Variants in SUMF1 observed in about 807,000 individuals in gnomAD.
The protein encoded by SUMF1 is formylglycine-generating enzyme.
Under a neutral mutation model 47.6 loss-of-function variants are expected in SUMF1, and 48 were observed. The ratio of observed to expected loss-of-function variants is 1.01; its 90% confidence interval spans 0.80 to 1.28. The LOEUF (loss-of-function observed/expected upper bound fraction) is 1.28, where lower values mean the gene tolerates loss of function less well. Ranked by LOEUF, SUMF1 falls within the 50% of genes most tolerant of loss-of-function variation. The pLI is 0.00. For synonymous variants in SUMF1, 230 were observed against 192.1 expected, an observed-to-expected ratio of 1.20 and a Z score of -1.63; for missense variants, 571 against 485.4, an observed-to-expected ratio of 1.18 and a Z score of -1.66.
chr3:4,241,908 C>T (rs1368147160), intron 8 of SUMF1, among the ~76,000 whole-genome samples: 1 of 152,182 alleles, frequency 6.6e-6, no homozygotes, highest in African/African-American at 2.4e-5. Context: ...GTGACATTTA[C>T]ATAACACACA....
At chr3:4,326,684 AT>A (rs557382041) in intron 8 of SUMF1, among the ~76,000 whole-genome samples, 1 of 151,446 alleles carries the variant, frequency 6.6e-6, no homozygotes, top group South Asian at 2.1e-4. Context: ...TAACCAGATA[AT>A]TTTTTTTGTA....
intron 8 of SUMF1, among the ~76,000 whole-genome samples, chr3:4,184,840 G>A (rs1695168162): frequency 6.6e-6 from 1 of 151,866 alleles, no homozygotes; most frequent in African/African-American, 2.4e-5. Context: ...GTAGAGATGG[G>A]GGTTTTGCCT....
chr3:4,399,136 G>A (rs557245808), intron 7 of SUMF1, among the ~76,000 whole-genome samples: 1 of 152,230 alleles, frequency 6.6e-6, no homozygotes, highest in Admixed American at 6.5e-5. Context: ...TGAACACTTC[G>A]AGCTCTTCAG....
chr3:4,136,913 C>T (rs1693946903), intron 8 of SUMF1, among the ~76,000 whole-genome samples: 1 of 152,034 alleles, frequency 6.6e-6, no homozygotes, highest in South Asian at 2.1e-4. Flanking sequence ...AAATCAAAAC[C>T]ACAATGAGAT....
At chr3:4,414,661 A>G (rs1458186687) in intron 6 of SUMF1, 1 of 152,180 alleles carries the variant, frequency 6.6e-6, no homozygotes, top group African/African-American at 2.4e-5. Flanking sequence ...TTCCATGGCA[A>G]CTTCTTCAGG....
At chr3:4,377,161 TGAAA>T (rs747307070) in intron 7 of SUMF1, among the ~76,000 whole-genome samples, 214 of 152,278 alleles carry the variant, frequency 1.4e-3, no homozygotes, top group Middle Eastern at 0.01. Flanking sequence ...GCTGATTGAA[TGAAA>T]GAGTTTGCTT....
At chr3:4,386,895 G>T (rs1418337552) in intron 7 of SUMF1, among the ~76,000 whole-genome samples, 1 of 149,274 alleles carries the variant, frequency 6.7e-6, no homozygotes, top group Non-Finnish European at 1.5e-5. Flanking sequence ...TTCTTATTAT[G>T]GTAGATTACA....
intron 8 of SUMF1, among the ~76,000 whole-genome samples, chr3:4,108,930 G>C (rs540690933): frequency 5.3e-5 from 8 of 151,228 alleles, no homozygotes; most frequent in African/African-American, 2.0e-4. Flanking sequence ...TTACATTTAA[G>C]GTTAATATTG....
chr3:4,198,515 G>C (rs1402641944), intron 8 of SUMF1, among the ~76,000 whole-genome samples: 2 of 152,090 alleles, frequency 1.3e-5, no homozygotes, highest in African/African-American at 2.4e-5. Context: ...TTAAAATGTG[G>C]TATGCTTTCA....
In SUMF1 at chr3:4,077,780, A is replaced by G. The variant is rs143409808; in HGVS notation, c.1015-9035T>C. Among the ~76,000 whole-genome samples the G allele has an allele frequency of 7.5e-4, 114 of 152,228 alleles. 2 individuals carry two copies. In the East Asian group the frequency reaches 0.02, roughly 27 times the overall value. ...TGTAACAAACCTGCACGTTGTGCACATGCACCCCAGAACTTAAAGTATAAT... is the reference window on the plus strand; with the variant it reads ...TGTAACAAACCTGCACGTTGTGCACGTGCACCCCAGAACTTAAAGTATAAT... On this transcript the variant is annotated intron_variant and NMD_transcript_variant, in intron 8 of 12. Coordinates refer to the SUMF1 transcript ENST00000448413.
chr3:4,230,355 T>G (rs1696271756), intron 8 of SUMF1, among the ~76,000 whole-genome samples: 1 of 152,154 alleles, frequency 6.6e-6, no homozygotes, highest in Non-Finnish European at 1.5e-5. Flanking sequence ...GCCAACAGTT[T>G]GGTCTGTCTT....
chr3:4,193,349 TA>T (rs1695361396), intron 8 of SUMF1, among the ~76,000 whole-genome samples: 2 of 152,132 alleles, frequency 1.3e-5, no homozygotes, highest in South Asian at 4.1e-4. Flanking sequence ...ACTGTAAGTG[TA>T]GCACTTTCCT....
chr3:4,190,137 T>C (rs1030352037), intron 8 of SUMF1, among the ~76,000 whole-genome samples: 6 of 151,926 alleles, frequency 3.9e-5, no homozygotes, highest in Non-Finnish European at 8.8e-5. Flanking sequence ...TAAGAAACAG[T>C]ATTCTCTGAG....
intron 7 of SUMF1, among the ~76,000 whole-genome samples, chr3:4,409,929 C>T (rs1407613359): frequency 2.6e-5 from 4 of 152,166 alleles, no homozygotes; most frequent in African/African-American, 9.7e-5. Flanking sequence ...CTCTGTAATC[C>T]TATATTGAGA....
chr3:4,182,312 T>C (rs975682616), intron 8 of SUMF1, among the ~76,000 whole-genome samples: 4 of 151,626 alleles, frequency 2.6e-5, no homozygotes, highest in Non-Finnish European at 5.9e-5. Flanking sequence ...GGTTATTCTA[T>C]TGGCATTTAT....
intron 8 of SUMF1, among the ~76,000 whole-genome samples, chr3:4,109,570 C>T (rs1366199534): frequency 7.2e-5 from 11 of 152,098 alleles, no homozygotes; most frequent in African/African-American, 1.2e-4. Flanking sequence ...ACCAATCAGA[C>T]GTAGATTTGG....
At chr3:4,275,037 T>C (rs1697383942) in intron 8 of SUMF1, among the ~76,000 whole-genome samples, 1 of 152,122 alleles carries the variant, frequency 6.6e-6, no homozygotes, top group Admixed American at 6.5e-5. Context: ...CTGTGATGCA[T>C]CTCCGTGTCT....
intron 9 of SUMF1, among the ~76,000 whole-genome samples, chr3:4,038,314 T>C (rs1045826769): frequency 6.6e-6 from 1 of 152,030 alleles, no homozygotes; most frequent in African/African-American, 2.4e-5. Context: ...GTTCCCTGCT[T>C]GGTGATGGGT....
chr3:4,211,213 T>TACATAC (rs1695785764), intron 8 of SUMF1, among the ~76,000 whole-genome samples: 2 of 136,830 alleles, frequency 1.5e-5, no homozygotes, highest in African/African-American at 5.4e-5. Context: ...CATATATATA[T>TACATAC]ATATATATAT....
Sources: allele counts gnomAD v4.1 joint callset (sites outside exome capture counted in the v4.1 genomes callset), GRCh38; gene constraint gnomAD v4.1.1; transcripts MANE v1.5; gene names NCBI Gene and HGNC (gene_info 2026-07-23, HGNC 2026-07-21).